The following PEDS1 variants were observed in gnomAD, a reference collection of about 807,000 sequenced individuals.
PEDS1 encodes plasmanylethanolamine desaturase 1.
A neutral mutation model predicts 35.2 loss-of-function variants in PEDS1; 14 were observed. That is an observed-to-expected ratio of 0.40 (90% CI 0.26 to 0.62). The LOEUF is 0.62. Ranked by LOEUF, PEDS1 falls within the 20% of genes least tolerant of loss-of-function variation. The pLI, the probability that PEDS1 is intolerant of heterozygous loss-of-function variation, is 0.44. For missense variants in PEDS1, 260 were observed against 367.8 expected (o/e 0.71, Z 2.40); for synonymous variants, 152 against 152.0 (o/e 1.00, Z 0.00).
chr20:50,138,889 C>A (rs920972597), intron 2 of PEDS1, among the ~76,000 whole-genome samples: 1 of 152,166 alleles, frequency 6.6e-6, no homozygotes, highest in South Asian at 2.1e-4. Context: ...CCCTGACTCA[C>A]GGGGGAACTT....
At chr20:50,137,740 G>C (rs151289094) in intron 2 of PEDS1, among the ~76,000 whole-genome samples, 1 of 152,168 alleles carries the variant, frequency 6.6e-6, no homozygotes, top group African/African-American at 2.4e-5. Context: ...GCGTGCTGGC[G>C]CGCGCTTGTA....
rs2081030290 is a variant in PEDS1 at position 50,119,123 on chromosome 20, C to T, written c.*5935G>A. On this transcript the variant is annotated 3_prime_UTR_variant, in exon 6 of 6. Coordinates refer to ENST00000371652, the MANE Select transcript of PEDS1 (RefSeq NM_199129.4). ...TTAAACCGGCATGGCCTCTGGAAGA[C>T]AATTTGGTATGCACTATCAAAATTT... is the stretch of plus-strand genomic sequence containing the variant. The T allele has an allele frequency of 2.0e-5, 3 of 152,116 alleles. No individual in the cohort carries two copies. Among genetic ancestry groups the T allele is most frequent in the Admixed American group, 2.0e-4 (3 of 15,268 alleles). The allele number at this position is 152,116 out of a possible 1,614,324, so 9.4% of individuals were successfully genotyped here.
At chr20:50,148,561 G>C (rs1171698007) in intron 1 of PEDS1, among the ~76,000 whole-genome samples, 1 of 152,184 alleles carries the variant, frequency 6.6e-6, no homozygotes, top group East Asian at 1.9e-4. Flanking sequence ...GGAAGAGCAG[G>C]GGAGGCCTGG....
chr20:50,153,667 C>G lies in PEDS1; in HGVS notation c.-30G>C. 1 of 1,217,430 alleles carries G rather than the reference C, an allele frequency of 8.2e-7. No individual in the cohort carries two copies. Among genetic ancestry groups the G allele is most frequent in the Non-Finnish European group, 1.0e-6 (1 of 978,748 alleles). 75.4% of individuals were successfully genotyped at this position (1,217,430 alleles called of 1,614,324 possible). A position where few individuals can be genotyped will look rare whatever the true frequency, so the allele number is the denominator to read the frequency against. Reference sequence around the variant, plus strand: ...ACTCGCCCGATCGGCCCGGTGCGCTCTGCTGGCGGCGGCGGCGGCAGGGCC... The same window carrying G: ...ACTCGCCCGATCGGCCCGGTGCGCTGTGCTGGCGGCGGCGGCGGCAGGGCC... On this transcript the variant is annotated 5_prime_UTR_variant, in exon 1 of 6. Coordinates refer to ENST00000371652, the MANE Select transcript of PEDS1 (RefSeq NM_199129.4).
In PEDS1 at chr20:50,123,115, A is replaced by C. The variant is rs2081065151; in HGVS notation, c.*1943T>G. 6.6e-6 allele frequency: 1 copy of C among 152,060 alleles called. No homozygotes were observed. Among genetic ancestry groups the C allele is most frequent in the Non-Finnish European group, 1.5e-5 (1 of 68,038 alleles). 9.4% of individuals were successfully genotyped at this position (152,060 alleles called of 1,614,324 possible). On this transcript the variant is annotated 3_prime_UTR_variant, in exon 6 of 6. Transcript: ENST00000371652. ...AAAAACATAGTAATAAATACAAATAAATAAAATGACCAGCAGGTCCCCACT... is the reference window on the plus strand; with the variant it reads ...AAAAACATAGTAATAAATACAAATACATAAAATGACCAGCAGGTCCCCACT...
chr20:50,145,965 C>T (rs765854232), intron 1 of PEDS1, among the ~76,000 whole-genome samples: 1 of 152,152 alleles, frequency 6.6e-6, no homozygotes, highest in Admixed American at 6.5e-5. Context: ...ATTCCATGGC[C>T]AGAGGTCTGG....
chr20:50,143,654 G>A (rs758021347), intron 1 of PEDS1, 33 bp from the exon 2 acceptor site: 3 of 1,612,942 alleles, frequency 1.9e-6, no homozygotes, highest in Non-Finnish European at 1.7e-6. Context: ...GTAAAGGCTG[G>A]AAGGTCAAGG....
At chr20:50,141,826 G>A (rs767766324) in intron 2 of PEDS1, among the ~76,000 whole-genome samples, 14 of 152,114 alleles carry the variant, frequency 9.2e-5, no homozygotes, top group East Asian at 3.8e-4. Flanking sequence ...TCCGGCCCCC[G>A]TCCCCAGCAT....
At position 50,153,486 on chromosome 20, in the gene PEDS1, G is replaced by A. The variant is rs1456961713; in HGVS notation, c.121+31C>T. 5.3e-6 allele frequency: 7 copies of A among 1,321,822 alleles called. No individual in the cohort carries two copies. In the East Asian group the frequency reaches 9.4e-5, roughly 18 times the overall value. 81.9% of individuals were successfully genotyped at this position (1,321,822 alleles called of 1,614,324 possible). A position where few individuals can be genotyped will look rare whatever the true frequency, so the allele number is the denominator to read the frequency against. On this transcript the variant is annotated intron_variant, in intron 1 of 5. Coordinates refer to ENST00000371652, the MANE Select transcript of PEDS1 (RefSeq NM_199129.4). ...CTGTCCGCAGCCGGGGCTGGTGACC[G>A]CAGGCCTGGAGGGGGGCCCAGAGGT...
Position 50,120,577 on chromosome 20 carries a change from G to A in PEDS1, c.*4481C>T, listed in dbSNP as rs374365104. On this transcript the variant is annotated 3_prime_UTR_variant, in exon 6 of 6. Transcript: ENST00000371652. ...TGGCTGGGCGCGGTGGTTCATGCCT[G>A]TAATCCCAACACTTAGGAAGGCTGA... 5.9e-5 allele frequency: 9 copies of A among 152,102 alleles called. No homozygotes were observed. The highest frequency in any genetic ancestry group is 2.2e-4 in the African/African-American group (9 of 41,434). The allele number at this position is 152,102 out of a possible 1,614,324, so 9.4% of individuals were successfully genotyped here.
At position 50,128,190 on chromosome 20, in the gene PEDS1, G is replaced by A. The variant is rs1338416981; in HGVS notation, c.479-3C>T. 1 of 1,613,816 alleles carries A rather than the reference G, an allele frequency of 6.2e-7. No individual in the cohort carries two copies. Among genetic ancestry groups the A allele is most frequent in the Non-Finnish European group, 8.5e-7 (1 of 1,179,986 alleles). ...GGGGTATAGCTGCTCCAGGGCTTCT[G>A]CAGGTTGGGGAGAGGGGGGGCCGGC... is the stretch of plus-strand genomic sequence containing the variant. On this transcript the variant is annotated splice_region_variant and splice_polypyrimidine_tract_variant and intron_variant, in intron 4 of 5. Transcript: ENST00000371652. The surrounding 1 kb of genome is among the most constrained non-coding windows in gnomAD (Gnocchi z 5.2).
chr20:50,151,094 C>T, intron 1 of PEDS1: 1 of 460,952 alleles, frequency 2.2e-6, no homozygotes, highest in South Asian at 2.0e-5. Flanking sequence ...TGGTCTCTCA[C>T]TTTTTCAGGC....
At position 50,153,619 on chromosome 20, in the gene PEDS1, A is replaced by C. The variant is rs2026757; in HGVS notation, c.19T>G (p.Trp7Gly). 28,860 of 1,302,640 alleles carry C rather than the reference A, an allele frequency of 0.022. 4,173 individuals carry two copies. The African/African-American group carries it at 0.35, about 16-fold the overall frequency. 80.7% of individuals were successfully genotyped at this position (1,302,640 alleles called of 1,614,324 possible). The change falls in exon 1 of 6, where the codon TGG becomes GGG. Residue 7 changes from tryptophan to glycine, a missense_variant. By Grantham distance (184) the Trp-to-Gly change is radical. This residue lies in a region of PEDS1 where 114 missense variants were observed against 121.6 expected (regional missense o/e 0.94). Transcript: ENST00000371652. Reference protein sequence around the residue: MAGAENWPGQQLELDED... With the variant: MAGAENGPGQQLELDED... ...TCCAGCTCCAGCTGCTGGCCCGGCC[A>C]GTTCTCGGCGCCCGCCATGGCCACT...
At position 50,137,110 on chromosome 20, in the gene PEDS1, G is replaced by C. The variant is rs1223449654; in HGVS notation, c.242-6163C>G. On this transcript the variant is annotated intron_variant, in intron 2 of 5. Transcript: ENST00000371652. The stretch of plus-strand genomic sequence containing the variant: ...AGACAGACTCTCCCACTGTGGCCCA[G>C]ACTGGAGTGTGGCGGTGCCATTCAC... 2.6e-5 allele frequency among the ~76,000 whole-genome samples: 4 copies of C among 152,274 alleles called. No individual in the cohort carries two copies. In the South Asian group the frequency reaches 8.3e-4, roughly 32 times the overall value.
chr20:50,121,408 C>G lies in PEDS1; in HGVS notation c.*3650G>C, dbSNP rs1388886074. The G allele has an allele frequency of 6.6e-6, 1 of 152,388 alleles. No individual in the cohort carries two copies. The highest frequency in any genetic ancestry group is 2.4e-5 in the African/African-American group (1 of 41,408). The allele number at this position is 152,388 out of a possible 1,614,324, so 9.4% of individuals were successfully genotyped here. On this transcript the variant is annotated 3_prime_UTR_variant, in exon 6 of 6. Transcript: ENST00000371652. ...CACCTACCAGCTGTGTGACCTTGGG[C>G]ATATTACATGACCTCTGTGCCTCAG...
At chr20:50,148,841 C>T (rs761078935) in intron 1 of PEDS1, among the ~76,000 whole-genome samples, 24 of 151,976 alleles carry the variant, frequency 1.6e-4, no homozygotes, top group East Asian at 5.8e-4. Flanking sequence ...CTGAGTGCCG[C>T]GGCTCATGCC....
At chr20:50,133,379 G>A (rs1208319810) in intron 2 of PEDS1, among the ~76,000 whole-genome samples, 1 of 152,104 alleles carries the variant, frequency 6.6e-6, no homozygotes, top group Non-Finnish European at 1.5e-5. Flanking sequence ...GGGACAGGTG[G>A]CAGCTACACC....
Position 50,129,682 on chromosome 20 carries a change from G to A in PEDS1, c.342C>T (p.Ile114=). 4 of 1,614,026 alleles carry A rather than the reference G, an allele frequency of 2.5e-6. No homozygotes were observed. The highest frequency in any genetic ancestry group is 1.1e-5 in the South Asian group (1 of 91,086). The part of the protein sequence containing the change: ...VELPIVGKAF[I]RPFREHHIDP... ...CAATGTGGTGCTCCCGGAAGGGTCG[G>A]ATGAAAGCCTGGAGTTGAGGGGGAC... The change falls in exon 4 of 6, where the codon ATC becomes ATT. Residue 114 remains isoleucine, a synonymous_variant. Transcript: ENST00000371652. The surrounding 1 kb of genome is among the most constrained non-coding windows in gnomAD (Gnocchi z 4.2).
In PEDS1 at chr20:50,121,048, C is replaced by G. The variant is rs2081047311; in HGVS notation, c.*4010G>C. On this transcript the variant is annotated 3_prime_UTR_variant, in exon 6 of 6. Transcript: ENST00000371652. Reference sequence around the variant, plus strand: ...CAGCACATGCCTACCTGAAACCAAGCCATCCCACAGCAGCTGGGAGGGAGG... The same window carrying G: ...CAGCACATGCCTACCTGAAACCAAGGCATCCCACAGCAGCTGGGAGGGAGG... 6.6e-6 allele frequency: 1 copy of G among 152,390 alleles called. No individual in the cohort carries two copies. The highest frequency in any genetic ancestry group is 6.5e-5 in the Admixed American group (1 of 15,278). The allele number at this position is 152,390 out of a possible 1,614,324, so 9.4% of individuals were successfully genotyped here.
Sources: gnomAD v4.1 joint callset for allele counts (sites outside exome capture counted in the v4.1 genomes callset) on GRCh38, gnomAD v4.1.1 for gene constraint, gnomAD v4.1.1 regional missense constraint, Gnocchi (gnomAD v3.1) non-coding constraint, MANE v1.5 for transcripts, NCBI Gene and HGNC (gene_info 2026-07-23, HGNC 2026-07-21) for gene names.